The following CNTN4 variants were observed in gnomAD, a reference collection of about 807,000 sequenced individuals.
The protein encoded by CNTN4 is contactin 4, also known as contactin-4.
CNTN4 carries 77 observed loss-of-function variants against 122.5 expected under a neutral mutation model. The observed-to-expected ratio is 0.63, with a 90% CI of 0.52 to 0.76. CNTN4 has a LOEUF of 0.76. CNTN4 is among the 30% of genes least tolerant of loss of function. The pLI is 0.00. For missense variants in CNTN4, 1,256 were observed against 1,259.1 expected, an observed-to-expected ratio of 1.00 and a Z score of 0.04; for synonymous variants, 512 against 447.0, an observed-to-expected ratio of 1.15 and a Z score of -1.83.
chr3:2,385,579 T>C lies in CNTN4; in HGVS notation c.-89+46346T>C, dbSNP rs554347108. On this transcript the variant is annotated intron_variant, in intron 3 of 24. Coordinates refer to ENST00000418658, the MANE Select transcript of CNTN4 (RefSeq NM_175607.3). This position sits in a 1 kb window ranked among gnomAD's most constrained non-coding sequence, Gnocchi z 4.0. The stretch of plus-strand genomic sequence containing the variant: ...GGTGTTGGTAGGGCTGTGCTCCGTC[T>C]GTAACCTCTAGGGGAGGGTCGCATC... Among the ~76,000 whole-genome samples, 45 of 152,246 alleles carry C rather than the reference T, an allele frequency of 3.0e-4. 2 individuals are homozygous for C. The highest frequency in any genetic ancestry group is 3.4e-3 in the Middle Eastern group (1 of 294).
Position 2,648,018 on chromosome 3 carries a change from C to G in CNTN4, c.55+76460C>G, listed in dbSNP as rs1424589545. ...AAATTGCTATGTTCTGCTGCATACC[C>G]ATTTTAAAATACAAATCCTTCCCAG... On this transcript the variant is annotated intron_variant, in intron 4 of 24. Transcript: ENST00000418658. Among the ~76,000 whole-genome samples the G allele has an allele frequency of 3.3e-5, 5 of 152,274 alleles. No individual in the cohort carries two copies. The East Asian group carries it at 9.7e-4, about 29-fold the overall frequency.
intron 13 of CNTN4, among the ~76,000 whole-genome samples, chr3:2,986,172 C>G (rs914025970): frequency 6.6e-6 from 1 of 152,104 alleles, no homozygotes; most frequent in Admixed American, 6.6e-5. Flanking sequence ...GCCTCAGCCC[C>G]CTAAAGTGCT....
chr3:2,330,149 C>T (rs2043658361), intron 2 of CNTN4, among the ~76,000 whole-genome samples: 2 of 152,010 alleles, frequency 1.3e-5, no homozygotes, highest in South Asian at 4.2e-4. Flanking sequence ...CTCACAGAAC[C>T]CAGGAAAGTG....
At chr3:2,880,125 C>G (rs2093890226) in intron 8 of CNTN4, among the ~76,000 whole-genome samples, 1 of 152,158 alleles carries the variant, frequency 6.6e-6, no homozygotes, top group Non-Finnish European at 1.5e-5. Flanking sequence ...TTCTTTCAAA[C>G]AAGGTTGTGT....
At chr3:2,317,840 G>A (rs1298631490) in intron 2 of CNTN4, among the ~76,000 whole-genome samples, 1 of 152,132 alleles carries the variant, frequency 6.6e-6, no homozygotes, top group Admixed American at 6.5e-5. Context: ...CAGAGAGCTG[G>A]CATCCCTTTT....
At chr3:2,476,977 A>G (rs908457141) in intron 3 of CNTN4, among the ~76,000 whole-genome samples, 8 of 152,192 alleles carry the variant, frequency 5.3e-5, no homozygotes, top group Admixed American at 3.9e-4. Context: ...GGATGACAAC[A>G]TGCTTTCACA....
chr3:2,200,510 C>G (rs2038047768), intron 2 of CNTN4, among the ~76,000 whole-genome samples: 1 of 152,088 alleles, frequency 6.6e-6, no homozygotes, highest in Non-Finnish European at 1.5e-5. Flanking sequence ...AAGTACAACC[C>G]AGGGTCCAAA....
At chr3:2,365,040 C>G (rs948434483) in intron 3 of CNTN4, among the ~76,000 whole-genome samples, 1 of 152,072 alleles carries the variant, frequency 6.6e-6, no homozygotes, top group Non-Finnish European at 1.5e-5. Context: ...CACCTGGTAA[C>G]TTAAGTACGT....
intron 4 of CNTN4, among the ~76,000 whole-genome samples, chr3:2,692,285 C>T (rs1436493975): frequency 6.6e-6 from 1 of 152,232 alleles, no homozygotes; most frequent in Non-Finnish European, 1.5e-5. Context: ...GTTCTCCTTT[C>T]GGAAAAGCGA....
intron 2 of CNTN4, among the ~76,000 whole-genome samples, chr3:2,291,095 C>T (rs570450545): frequency 6.6e-6 from 1 of 152,284 alleles, no homozygotes; most frequent in Admixed American, 6.5e-5. Context: ...TCCATGGCCA[C>T]TGAGAATCTA....
At chr3:2,289,838 G>A (rs754860990) in intron 2 of CNTN4, among the ~76,000 whole-genome samples, 4 of 152,070 alleles carry the variant, frequency 2.6e-5, no homozygotes, top group Non-Finnish European at 1.5e-5. Context: ...AAGTTATTAC[G>A]ATAGTGGCTG....
At chr3:2,628,670 C>T (rs2082300537) in intron 4 of CNTN4, among the ~76,000 whole-genome samples, 1 of 152,148 alleles carries the variant, frequency 6.6e-6, no homozygotes, top group African/African-American at 2.4e-5. Flanking sequence ...AGAAAGAAAT[C>T]AGATCTGAAT....
chr3:2,501,889 G>A (rs1238948406), intron 3 of CNTN4, among the ~76,000 whole-genome samples: 2 of 152,114 alleles, frequency 1.3e-5, no homozygotes, highest in Admixed American at 6.6e-5. Flanking sequence ...GGGTGCATGA[G>A]ATCCTGACAC....
intron 4 of CNTN4, among the ~76,000 whole-genome samples, chr3:2,642,173 C>G (rs2619576): frequency 0.029 from 4,391 of 152,290 alleles, 211 homozygotes; most frequent in African/African-American, 0.1. Context: ...AGCCTTCAGT[C>G]TATGGTTGAA....
chr3:2,191,819 T>C (rs1044602935), intron 2 of CNTN4, among the ~76,000 whole-genome samples: 1 of 152,106 alleles, frequency 6.6e-6, no homozygotes, highest in Non-Finnish European at 1.5e-5. Context: ...CATGTTGGTG[T>C]GCTGCACCCA....
intron 2 of CNTN4, among the ~76,000 whole-genome samples, chr3:2,174,106 T>C (rs2036637382): frequency 6.6e-6 from 1 of 152,144 alleles, no homozygotes; most frequent in South Asian, 2.1e-4. Flanking sequence ...AATAAGGGAA[T>C]GATAAGGCCC....
chr3:2,422,139 T>C (rs1179982938), intron 3 of CNTN4, among the ~76,000 whole-genome samples: 2 of 152,228 alleles, frequency 1.3e-5, no homozygotes, highest in African/African-American at 4.8e-5. Flanking sequence ...TTGTACAGAA[T>C]TAGAGAGGGG....
At chr3:2,558,976 C>T (rs1485996313) in intron 3 of CNTN4, among the ~76,000 whole-genome samples, 1 of 152,162 alleles carries the variant, frequency 6.6e-6, no homozygotes, top group Non-Finnish European at 1.5e-5. Flanking sequence ...ACAGGCCAGG[C>T]CTGAAATCTG....
chr3:2,296,281 T>C lies in CNTN4; in HGVS notation c.-144-42897T>C, dbSNP rs867319084. On this transcript the variant is annotated intron_variant, in intron 2 of 24. Transcript: ENST00000418658. ...AATTACCTTGGGCAGTATGGCCATT[T>C]TCATGATATTGATTCTTCCTACCCA... 5.4e-4 allele frequency among the ~76,000 whole-genome samples: 82 copies of C among 152,318 alleles called. No individual in the cohort carries two copies. The Middle Eastern group carries it at 0.014, about 25-fold the overall frequency.
Sources: gnomAD v4.1 joint callset for allele counts (sites outside exome capture counted in the v4.1 genomes callset) on GRCh38, gnomAD v4.1.1 for gene constraint, Gnocchi (gnomAD v3.1) non-coding constraint, MANE v1.5 for transcripts, NCBI Gene and HGNC (gene_info 2026-07-23, HGNC 2026-07-21) for gene names.